Variants in DHX36 observed in about 807,000 individuals in gnomAD.
DHX36 encodes the protein DEAH-box helicase 36.
Under a neutral mutation model 139.0 loss-of-function variants are expected in DHX36, and 50 were observed. That is an observed-to-expected ratio of 0.36 (90% CI 0.29 to 0.46). The LOEUF (loss-of-function observed/expected upper bound fraction) is 0.46, where lower values mean the gene tolerates loss of function less well. Among genes scored for constraint, DHX36 ranks in the 20% least tolerant of loss-of-function variants. The probability of loss-of-function intolerance (pLI) is 1.00; values close to 1 mark genes in which losing one functional copy is unlikely to be tolerated. For missense variants in DHX36, 1,024 were observed against 1,211.3 expected, an observed-to-expected ratio of 0.85 and a Z score of 2.29; for synonymous variants, 425 against 401.9, an observed-to-expected ratio of 1.06 and a Z score of -0.69.
chr3:154,318,532 A>T lies in DHX36; in HGVS notation c.244-2369T>A, dbSNP rs540102206. 1.5e-4 allele frequency among the ~76,000 whole-genome samples: 23 copies of T among 152,266 alleles called. 1 individual carries two copies. The South Asian group carries it at 4.6e-3, about 30-fold the overall frequency. On this transcript the variant is annotated intron_variant, in intron 1 of 24. Transcript: ENST00000496811. ...TTCACGCCCCCGGAAAAGGTGAATTACTGGATAACATAACAGTCTACTGAA... is the reference window on the plus strand; with the variant it reads ...TTCACGCCCCCGGAAAAGGTGAATTTCTGGATAACATAACAGTCTACTGAA...
At chr3:154,315,014 T>A (rs1576881712) in intron 3 of DHX36, 32 bp downstream of exon 3, 2 of 1,481,298 alleles carry the variant, frequency 1.4e-6, no homozygotes, top group East Asian at 2.3e-5. Context: ...AAGAAAAAAA[T>A]GACAAAATAT....
intron 9 of DHX36, among the ~76,000 whole-genome samples, chr3:154,301,406 CTATTT>C (rs1157440953): frequency 2.0e-5 from 3 of 152,116 alleles, no homozygotes; most frequent in Non-Finnish European, 2.9e-5. Flanking sequence ...CTTTTACCTT[CTATTT>C]TAAGTTTGCT....
chr3:154,278,730 T>C (rs890040543), intron 22 of DHX36: 4 of 152,350 alleles, frequency 2.6e-5, no homozygotes, highest in Middle Eastern at 3.4e-3. Context: ...TCCGCCTACC[T>C]TGGCCTCCCA....
chr3:154,321,624 T>A (rs1311318253), intron 1 of DHX36, among the ~76,000 whole-genome samples: 1 of 152,170 alleles, frequency 6.6e-6, no homozygotes, highest in Admixed American at 6.5e-5. Context: ...TCAATAAATA[T>A]TTGTTGAAAG....
intron 11 of DHX36, among the ~76,000 whole-genome samples, 192 bp downstream of exon 11, chr3:154,300,402 T>C (rs149242179): frequency 6.6e-6 from 1 of 152,364 alleles, no homozygotes; most frequent in East Asian, 1.9e-4. Context: ...TTATAATCCA[T>C]ATATTTGTTT....
At chr3:154,295,818 G>A (rs192349810) in intron 12 of DHX36, among the ~76,000 whole-genome samples, 9 of 152,046 alleles carry the variant, frequency 5.9e-5, no homozygotes, top group Admixed American at 2.0e-4. Flanking sequence ...TCTGTTGCCC[G>A]TTGCTGTGGT....
chr3:154,291,823 C>G (rs1312972241), intron 15 of DHX36, among the ~76,000 whole-genome samples: 1 of 152,198 alleles, frequency 6.6e-6, no homozygotes, highest in Non-Finnish European at 1.5e-5. Context: ...TCTTATCACT[C>G]ATATGAATAA....
chr3:154,320,486 T>G (rs1713148582), intron 1 of DHX36, among the ~76,000 whole-genome samples: 1 of 152,168 alleles, frequency 6.6e-6, no homozygotes, highest in African/African-American at 2.4e-5. Context: ...ACACTCCAAC[T>G]ACTACCCATG....
chr3:154,310,440 G>A (rs1158907634), intron 4 of DHX36, among the ~76,000 whole-genome samples: 2 of 151,770 alleles, frequency 1.3e-5, no homozygotes, highest in Non-Finnish European at 2.9e-5. Flanking sequence ...GATGTTAGGG[G>A]TTATTTTCAT....
Position 154,277,051 on chromosome 3 carries a change from T to C in DHX36, c.2689-152A>G, listed in dbSNP as rs184648358. On this transcript the variant is annotated intron_variant, in intron 23 of 24. Coordinates refer to ENST00000496811, the MANE Select transcript of DHX36 (RefSeq NM_020865.3). ...TTACAGAGATTTGTAAGAAATACCATTTTAAATGAGCCATCTTCATTATTC... is the reference window on the plus strand; with the variant it reads ...TTACAGAGATTTGTAAGAAATACCACTTTAAATGAGCCATCTTCATTATTC... 1,070 of 707,346 alleles carry C rather than the reference T, an allele frequency of 1.5e-3. 4 individuals are homozygous for C. The highest frequency in any genetic ancestry group is 0.012 in the Admixed American group (309 of 26,816). The allele number at this position is 707,346 out of a possible 1,614,324, so 43.8% of individuals were successfully genotyped here. A position where few individuals can be genotyped will look rare whatever the true frequency, so the allele number is the denominator to read the frequency against.
intron 12 of DHX36, among the ~76,000 whole-genome samples, chr3:154,297,263 T>G (rs1712081030): frequency 6.6e-6 from 1 of 152,170 alleles, no homozygotes; most frequent in Non-Finnish European, 1.5e-5. Context: ...TATTAAGGAT[T>G]AGGTATGATA....
chr3:154,300,481 G>C, intron 11 of DHX36, 113 bp downstream of exon 11: 2 of 813,500 alleles, frequency 2.5e-6, no homozygotes, highest in Admixed American at 5.4e-5. Flanking sequence ...AGTATCAAAA[G>C]TAATTTCTTC....
At chr3:154,296,109 A>T (rs1213816192) in intron 12 of DHX36, among the ~76,000 whole-genome samples, 1 of 152,198 alleles carries the variant, frequency 6.6e-6, no homozygotes, top group African/African-American at 2.4e-5. Flanking sequence ...TAATATCTAA[A>T]TTTTTAGAGC....
At position 154,276,823 on chromosome 3, in the gene DHX36, T is replaced by C; in HGVS notation, c.2765A>G (p.Asp922Gly). 6.2e-7 allele frequency: 1 copy of C among 1,613,948 alleles called. No homozygotes were observed. The highest frequency in any genetic ancestry group is 8.5e-7 in the Non-Finnish European group (1 of 1,179,934). Residue 922 changes from aspartate (D) to glycine (G), a missense_variant, in exon 24 of 25, where the codon GAT becomes GGT. By Grantham distance (94) the Asp-to-Gly change is moderately conservative. Transcript: ENST00000496811. ...FFGGDISIQK[D>G]NDQETIAVDE... is the part of the protein sequence containing the mutation. The stretch of plus-strand genomic sequence containing the variant: ...TACAGCAATAGTTTCCTGATCGTTA[T>C]CCTTCTGGATGGAAATGTCACCTCC...
At chr3:154,284,550 A>G (rs757932256) in intron 19 of DHX36, 33 bp downstream of exon 19, 1 of 1,497,890 alleles carries the variant, frequency 6.7e-7, no homozygotes, top group East Asian at 2.3e-5. Flanking sequence ...TGAATAAACT[A>G]TCATAATCCA....
chr3:154,286,638 A>G (rs778669952), intron 17 of DHX36, among the ~76,000 whole-genome samples: 1 of 151,978 alleles, frequency 6.6e-6, no homozygotes, highest in Non-Finnish European at 1.5e-5. Context: ...ACCCAAATAA[A>G]CAGAGGAATA....
rs1274952247 is a variant in DHX36, at chr3:154,273,546, G to A, written c.*2625C>T. The A allele has an allele frequency of 6.6e-6, 1 of 152,210 alleles. No individual in the cohort carries two copies. The highest frequency in any genetic ancestry group is 1.5e-5 in the Non-Finnish European group (1 of 68,038). 9.4% of individuals were successfully genotyped at this position (152,210 alleles called of 1,614,324 possible). On this transcript the variant is annotated 3_prime_UTR_variant, in exon 25 of 25. Transcript: ENST00000496811. ...AAGCACAAACAGAAACTCTTACAGA[G>A]CAAGAAAGACCAGATGGTCACCTCG...
chr3:154,279,873 C>A (rs543717597), intron 22 of DHX36: 64 of 152,318 alleles, frequency 4.2e-4, no homozygotes, highest in African/African-American at 1.5e-3. Context: ...TATAAAACCA[C>A]AATTTTCCCA....
chr3:154,306,351 G>C, intron 5 of DHX36, 56 bp from the exon 6 acceptor site: 1 of 1,417,782 alleles, frequency 7.1e-7, no homozygotes, highest in Non-Finnish European at 9.9e-7. Context: ...CAAATATCCT[G>C]AATGTCCATG....
Sources: allele counts gnomAD v4.1 joint callset (sites outside exome capture counted in the v4.1 genomes callset), GRCh38; gene constraint gnomAD v4.1.1; transcripts MANE v1.5; gene names NCBI Gene and HGNC (gene_info 2026-07-23, HGNC 2026-07-21).